CMTM8: variants seen among roughly 807,000 people sequenced by gnomAD.
The protein encoded by CMTM8 is CKLF-like MARVEL transmembrane domain-containing protein 8.
Under a neutral mutation model 18.6 loss-of-function variants are expected in CMTM8, and 12 were observed. The observed-to-expected ratio is 0.65, with a 90% CI of 0.41 to 1.05. The LOEUF (loss-of-function observed/expected upper bound fraction) is 1.05. CMTM8 is among the 50% of genes least tolerant of loss of function. The pLI is 0.00. For synonymous variants in CMTM8, 87 were observed against 90.6 expected (o/e 0.96, Z 0.23); for missense variants, 217 against 227.2 (o/e 0.95, Z 0.29).
At chr3:32,347,499 G>C (rs1466670821) in intron 1 of CMTM8, among the ~76,000 whole-genome samples, 4 of 151,814 alleles carry the variant, frequency 2.6e-5, no homozygotes, top group Non-Finnish European at 5.9e-5. Context: ...GCAGGGCTTG[G>C]AGGGGGCAGG....
chr3:32,331,811 A>T (rs1341932143), intron 1 of CMTM8, among the ~76,000 whole-genome samples: 2 of 152,210 alleles, frequency 1.3e-5, no homozygotes. Context: ...GCTTTCACTT[A>T]TATAAGGTAT....
chr3:32,302,117 G>A (rs1369117118), intron 1 of CMTM8, among the ~76,000 whole-genome samples: 1 of 149,896 alleles, frequency 6.7e-6, no homozygotes, highest in African/African-American at 2.5e-5. Context: ...AGACCAACAT[G>A]GGCAATTCCT....
At chr3:32,344,725 G>T (rs569110167) in intron 1 of CMTM8, among the ~76,000 whole-genome samples, 2 of 152,200 alleles carry the variant, frequency 1.3e-5, no homozygotes, top group South Asian at 4.2e-4. Flanking sequence ...TGAGACCCCG[G>T]CTCTACAAAA....
intron 1 of CMTM8, among the ~76,000 whole-genome samples, chr3:32,289,790 G>A (rs1254599917): frequency 1.3e-5 from 2 of 152,154 alleles, no homozygotes; most frequent in African/African-American, 4.8e-5. Flanking sequence ...GTAGGCCCTG[G>A]AGGCCCTAAC....
At chr3:32,254,504 T>G (rs1198236758) in intron 1 of CMTM8, among the ~76,000 whole-genome samples, 7 of 152,190 alleles carry the variant, frequency 4.6e-5, no homozygotes. Context: ...AATTCTTAGT[T>G]TTCCTTATTT....
intron 1 of CMTM8, among the ~76,000 whole-genome samples, chr3:32,355,047 G>A (rs913389195): frequency 2.0e-5 from 3 of 152,148 alleles, no homozygotes; most frequent in Non-Finnish European, 4.4e-5. Flanking sequence ...CAACTCTAAA[G>A]AGCAGAAACA....
chr3:32,324,408 A>G (rs981590855), intron 1 of CMTM8, among the ~76,000 whole-genome samples: 3 of 152,194 alleles, frequency 2.0e-5, no homozygotes, highest in Admixed American at 6.5e-5. Flanking sequence ...CAGACTTGTT[A>G]TCAATATTAT....
chr3:32,342,836 A>C (rs1008662427), intron 1 of CMTM8, among the ~76,000 whole-genome samples: 7 of 152,218 alleles, frequency 4.6e-5, no homozygotes, highest in Admixed American at 4.6e-4. Flanking sequence ...AGCACCTCGC[A>C]AGCACTCTTG....
At chr3:32,275,194 T>G (rs1264396271) in intron 1 of CMTM8, among the ~76,000 whole-genome samples, 1 of 151,598 alleles carries the variant, frequency 6.6e-6, no homozygotes, top group Non-Finnish European at 1.5e-5. Context: ...GTTTTTTTTT[T>G]TGTGGAGACA....
intron 1 of CMTM8, among the ~76,000 whole-genome samples, chr3:32,261,359 A>G (rs959033307): frequency 1.3e-5 from 2 of 152,304 alleles, no homozygotes; most frequent in South Asian, 2.1e-4. Flanking sequence ...CAAATGATCA[A>G]TTATAGGAAT....
At chr3:32,357,315 T>G (rs890352775) in intron 1 of CMTM8, 58 bp from the exon 2 acceptor site, 2 of 1,294,750 alleles carry the variant, frequency 1.5e-6, no homozygotes, top group African/African-American at 3.0e-5. Flanking sequence ...CCTCCTTCCT[T>G]CTTTTTCTTT....
chr3:32,272,454 G>A (rs1702453207), intron 1 of CMTM8, among the ~76,000 whole-genome samples: 2 of 152,100 alleles, frequency 1.3e-5, no homozygotes, highest in Admixed American at 1.3e-4. Flanking sequence ...TTAAATGTGT[G>A]TTAGATCCTT....
In CMTM8 at chr3:32,313,980, C is replaced by T. The variant is rs73824665; in HGVS notation, c.148-43393C>T. ...CTGCACTCAAGCCTGGGTGACAGAGCGAGACCCTGTCTCAGAAAAAAAGAT... is the reference window on the plus strand; with the variant it reads ...CTGCACTCAAGCCTGGGTGACAGAGTGAGACCCTGTCTCAGAAAAAAAGAT... On this transcript the variant is annotated intron_variant, in intron 1 of 3. Coordinates refer to ENST00000307526, the MANE Select transcript of CMTM8 (RefSeq NM_178868.5). 9.9e-3 allele frequency among the ~76,000 whole-genome samples: 1,502 copies of T among 152,080 alleles called. 24 individuals carry two copies. Among genetic ancestry groups the T allele is most frequent in the African/African-American group, 0.033 (1,381 of 41,464 alleles).
intron 1 of CMTM8, among the ~76,000 whole-genome samples, chr3:32,341,972 G>T (rs371871559): frequency 6.6e-6 from 1 of 151,958 alleles, no homozygotes; most frequent in Non-Finnish European, 1.5e-5. Flanking sequence ...TTAAGGCTGG[G>T]CATGGTGGCT....
chr3:32,350,482 C>T (rs897934557), intron 1 of CMTM8, among the ~76,000 whole-genome samples: 89 of 151,028 alleles, frequency 5.9e-4, no homozygotes, highest in African/African-American at 2.1e-3. Flanking sequence ...CTCAGCCTCC[C>T]GAGTAGCTGG....
chr3:32,319,074 A>ATATATATATTTTTTTTT lies in CMTM8; in HGVS notation c.148-38298_148-38297insATATATATTTTTTTTTT. ...TGTATATACATATATATATATATATATTTTTTTTTTTTTTTTTTTTTGAGA... is the reference window on the plus strand; with the variant it reads ...TGTATATACATATATATATATATATATATATATATTTTTTTTTTTTTTTTTTTTTTTTTTTTTTGAGA... On this transcript the variant is annotated intron_variant, in intron 1 of 3. Transcript: ENST00000307526. 9.8e-4 allele frequency among the ~76,000 whole-genome samples: 31 copies of ATATATATATTTTTTTTT among 31,528 alleles called. 1 individual carries two copies. Among genetic ancestry groups the ATATATATATTTTTTTTT allele is most frequent in the Middle Eastern group, 0.026 (1 of 38 alleles). The allele number at this position is 31,528 out of a possible 152,430, so 20.7% of individuals were successfully genotyped here. A position where few individuals can be genotyped will look rare whatever the true frequency, so the allele number is the denominator to read the frequency against.
At chr3:32,256,127 GT>G (rs1310554043) in intron 1 of CMTM8, among the ~76,000 whole-genome samples, 1 of 152,110 alleles carries the variant, frequency 6.6e-6, no homozygotes, top group Non-Finnish European at 1.5e-5. Context: ...TTATTAGGGT[GT>G]CACTCTGTCA....
At chr3:32,259,278 G>T in intron 1 of CMTM8, 1 of 654,042 alleles carries the variant, frequency 1.5e-6, no homozygotes. Flanking sequence ...GGAGGCTGGA[G>T]AGCAAAATCC....
chr3:32,276,819 A>T (rs1304433588), intron 1 of CMTM8, among the ~76,000 whole-genome samples: 1 of 152,070 alleles, frequency 6.6e-6, no homozygotes, highest in Non-Finnish European at 1.5e-5. Flanking sequence ...CTTCCATATC[A>T]AACTGAGGGA....
Sources: gnomAD v4.1 joint callset for allele counts (sites outside exome capture counted in the v4.1 genomes callset) on GRCh38, gnomAD v4.1.1 for gene constraint, MANE v1.5 for transcripts, NCBI Gene and HGNC (gene_info 2026-07-23, HGNC 2026-07-21) for gene names.